The following MON2 variants were observed in gnomAD, a reference collection of about 807,000 sequenced individuals.
The protein encoded by MON2 is protein MON2 homolog.
A neutral mutation model predicts 208.6 loss-of-function variants in MON2; 84 were observed. That is an observed-to-expected ratio of 0.40 (90% CI 0.34 to 0.48). MON2 has a LOEUF of 0.48. MON2 is among the 20% of genes least tolerant of loss of function. The pLI, the probability that MON2 is intolerant of heterozygous loss-of-function variation, is 0.59. For missense variants in MON2, 1,611 were observed against 2,015.4 expected, an observed-to-expected ratio of 0.80 and a Z score of 3.84; for synonymous variants, 660 against 694.0, an observed-to-expected ratio of 0.95 and a Z score of 0.77.
At position 62,543,364 on chromosome 12, in the gene MON2, G is replaced by T. The variant is rs550611693; in HGVS notation, c.2466+166G>T. 6.6e-5 allele frequency among the ~76,000 whole-genome samples: 10 copies of T among 152,074 alleles called. No homozygotes were observed. The South Asian group carries it at 2.1e-3, about 32-fold the overall frequency. ...TTTTATCAAGGACTAAAGTTGTTTT[G>T]TAATTTATTTCATGAAGGAATTGGT... On this transcript the variant is annotated intron_variant, in intron 20 of 34. Transcript: ENST00000393630.
At chr12:62,551,967 A>T (rs922276741) in intron 23 of MON2, among the ~76,000 whole-genome samples, 4 of 151,754 alleles carry the variant, frequency 2.6e-5, no homozygotes, top group East Asian at 1.9e-4. Context: ...TAAATAGAAA[A>T]TTTTTTTTTA....
rs139671233 is a variant in MON2 at position 62,592,751 on chromosome 12, C to T, written c.*2C>T. The T allele has an allele frequency of 2.3e-5, 36 of 1,579,660 alleles. No homozygotes were observed. In the Admixed American group the frequency reaches 3.7e-4, roughly 16 times the overall value. On this transcript the variant is annotated 3_prime_UTR_variant, in exon 35 of 35. Transcript: ENST00000393630. The stretch of plus-strand genomic sequence containing the variant: ...AGAGTTCAAAATGGAGAATCTTGAC[C>T]GGCTACAATATATTTGAAAGCAGGA...
In MON2 at chr12:62,593,937, G is replaced by A. The variant is rs1025826445; in HGVS notation, c.*1188G>A. ...AGAAGTGCAGTGAACTTGCTGTCAC[G>A]GAGTAAAATGCTAATTATGTTTCAC... On this transcript the variant is annotated 3_prime_UTR_variant, in exon 35 of 35. Transcript: ENST00000393630. The A allele has an allele frequency of 1.3e-5, 2 of 152,092 alleles. No homozygotes were observed. The highest frequency in any genetic ancestry group is 1.5e-5 in the Non-Finnish European group (1 of 67,980). 9.4% of individuals were successfully genotyped at this position (152,092 alleles called of 1,614,324 possible). A position where few individuals can be genotyped will look rare whatever the true frequency, so the allele number is the denominator to read the frequency against.
At chr12:62,519,471 G>T (rs2071887549) in intron 8 of MON2, among the ~76,000 whole-genome samples, 1 of 152,124 alleles carries the variant, frequency 6.6e-6, no homozygotes, top group African/African-American at 2.4e-5. Flanking sequence ...TTGTGCATGT[G>T]AGTTATTTCT....
intron 11 of MON2, among the ~76,000 whole-genome samples, chr12:62,530,979 A>G (rs2072609599): frequency 1.3e-5 from 2 of 152,160 alleles, no homozygotes; most frequent in African/African-American, 4.8e-5. Flanking sequence ...TTCCCTAATT[A>G]CTGGTGACAA....
chr12:62,492,456 C>CCGCTT (rs1380898897), intron 2 of MON2, among the ~76,000 whole-genome samples: 1 of 147,130 alleles, frequency 6.8e-6, no homozygotes, highest in East Asian at 2.0e-4. Context: ...ACTGCAAGCT[C>CCGCTT]CGCTTCCCGG....
chr12:62,466,912 T>C lies in MON2; in HGVS notation c.-296T>C. 2.1e-6 allele frequency: 1 copy of C among 487,054 alleles called. No homozygotes were observed. Among genetic ancestry groups the C allele is most frequent in the South Asian group, 3.4e-5 (1 of 29,696 alleles). The allele number at this position is 487,054 out of a possible 1,614,324, so 30.2% of individuals were successfully genotyped here. The stretch of plus-strand genomic sequence containing the variant: ...CCAGGTTGGCTGGTGACACCCGGTG[T>C]GGCTGGGCCCCGCGGCAGCGGAGGG... On this transcript the variant is annotated 5_prime_UTR_variant, in exon 1 of 35. Coordinates refer to ENST00000393630, the MANE Select transcript of MON2 (RefSeq NM_015026.3).
At chr12:62,531,809 G>A (rs1208474103) in intron 11 of MON2, among the ~76,000 whole-genome samples, 1 of 151,186 alleles carries the variant, frequency 6.6e-6, no homozygotes, top group Non-Finnish European at 1.5e-5. Flanking sequence ...TCACTCTGTT[G>A]CCCAGGCTGG....
At chr12:62,585,183 C>A in intron 32 of MON2, 111 bp from the exon 33 acceptor site, 1 of 773,778 alleles carries the variant, frequency 1.3e-6, no homozygotes, top group Non-Finnish European at 2.1e-6. Context: ...GTTCTAGGTG[C>A]CTTTCACCAG....
chr12:62,546,351 A>C (rs1462740019), intron 21 of MON2, among the ~76,000 whole-genome samples: 1 of 152,158 alleles, frequency 6.6e-6, no homozygotes, highest in African/African-American at 2.4e-5. Context: ...ATAACTACCC[A>C]TTTATCTAAA....
In MON2 at chr12:62,587,578, TA is replaced by T. The variant is rs559589798; in HGVS notation, c.4908-481del. 7.4e-3 allele frequency among the ~76,000 whole-genome samples: 1,045 copies of T among 140,526 alleles called. 4 individuals carry two copies. The highest frequency in any genetic ancestry group is 0.012 in the African/African-American group (459 of 38,328). 92.2% of individuals were successfully genotyped at this position (140,526 alleles called of 152,430 possible). On this transcript the variant is annotated intron_variant, in intron 33 of 34. Coordinates refer to ENST00000393630, the MANE Select transcript of MON2 (RefSeq NM_015026.3). ...AGCAAGCAAGACCTTGTTTCTACTT[TA>T]AAAAAAAAAAAAAATTAGCCAGACA...
intron 1 of MON2, among the ~76,000 whole-genome samples, chr12:62,472,231 A>G (rs1443701358): frequency 6.6e-6 from 1 of 152,156 alleles, no homozygotes; most frequent in East Asian, 1.9e-4. Flanking sequence ...ATCAAAGAGC[A>G]GTGGGGTTGG....
chr12:62,484,944 G>A (rs1218596180), intron 2 of MON2: 1 of 134,618 alleles, frequency 7.4e-6, no homozygotes, highest in Non-Finnish European at 1.6e-5. Context: ...TTAAGAATCT[G>A]TTATATGCAA....
intron 22 of MON2, among the ~76,000 whole-genome samples, chr12:62,547,556 C>T (rs2073543478): frequency 6.6e-6 from 1 of 152,060 alleles, no homozygotes; most frequent in African/African-American, 2.4e-5. Flanking sequence ...TTATTCTGTG[C>T]AGAGTGTATT....
At chr12:62,576,718 G>T (rs1020070857) in intron 30 of MON2, among the ~76,000 whole-genome samples, 2 of 151,670 alleles carry the variant, frequency 1.3e-5, no homozygotes, top group African/African-American at 2.4e-5. Flanking sequence ...ATTTTTAAAA[G>T]CTCAATCGAT....
intron 26 of MON2, 148 bp downstream of exon 26, chr12:62,561,261 G>T: frequency 9.4e-6 from 6 of 635,434 alleles, no homozygotes; most frequent in South Asian, 6.3e-5. Context: ...TCAAGATCTA[G>T]GTATTTTGAA....
chr12:62,467,181 G>A lies in MON2; in HGVS notation c.-27G>A. On this transcript the variant is annotated 5_prime_UTR_variant, in exon 1 of 35. Coordinates refer to ENST00000393630, the MANE Select transcript of MON2 (RefSeq NM_015026.3). ...GTGCCAGAGCTTGTTTGTACCTCTCGGAAATTGGCTGGGACCTTGGAGGAT... is the reference window on the plus strand; with the variant it reads ...GTGCCAGAGCTTGTTTGTACCTCTCAGAAATTGGCTGGGACCTTGGAGGAT... The A allele has an allele frequency of 1.2e-6, 2 of 1,602,070 alleles. No homozygotes were observed. Among genetic ancestry groups the A allele is most frequent in the Non-Finnish European group, 8.5e-7 (1 of 1,174,798 alleles).
At chr12:62,516,852 T>C (rs2071723757) in intron 8 of MON2, among the ~76,000 whole-genome samples, 1 of 152,156 alleles carries the variant, frequency 6.6e-6, no homozygotes, top group African/African-American at 2.4e-5. Context: ...ACTCTATAAA[T>C]GTTACATACC....
At chr12:62,487,518 T>A (rs1227124264) in intron 2 of MON2, among the ~76,000 whole-genome samples, 3 of 152,018 alleles carry the variant, frequency 2.0e-5, no homozygotes, top group Admixed American at 6.6e-5. Flanking sequence ...TAATCAGTAG[T>A]TGTGACTTTT....
Sources: gnomAD v4.1 joint callset for allele counts (sites outside exome capture counted in the v4.1 genomes callset) on GRCh38, gnomAD v4.1.1 for gene constraint, MANE v1.5 for transcripts, NCBI Gene and HGNC (gene_info 2026-07-23, HGNC 2026-07-21) for gene names.